Variants in METTL4 observed in about 807,000 individuals in gnomAD.
METTL4 encodes the protein methyltransferase 4, N6-adenosine.
METTL4 carries 40 observed loss-of-function variants against 54.0 expected under a neutral mutation model. The observed-to-expected ratio is 0.74, with a 90% confidence interval of 0.58 to 0.96. The LOEUF is 0.96. Ranked by LOEUF, METTL4 falls within the 50% of genes least tolerant of loss-of-function variation. The pLI, the probability that METTL4 is intolerant of heterozygous loss-of-function variation, is 0.00. For missense variants in METTL4, 525 were observed against 549.0 expected (o/e 0.96, Z 0.44); for synonymous variants, 169 against 183.8 (o/e 0.92, Z 0.65).
chr18:2,552,920 A>T, intron 4 of METTL4, 156 bp from the exon 5 acceptor site: 1 of 568,310 alleles, frequency 1.8e-6, no homozygotes. Context: ...AAACAGAGTA[A>T]TTTATCATTA....
intron 8 of METTL4, among the ~76,000 whole-genome samples, chr18:2,541,792 T>C (rs2071996258): frequency 6.6e-6 from 1 of 152,084 alleles, no homozygotes; most frequent in South Asian, 2.1e-4. Flanking sequence ...AGAAAACATT[T>C]CATTTTATTA....
At chr18:2,552,621 CAAT>C (rs1359397381) in intron 5 of METTL4, 71 bp downstream of exon 5, 3 of 926,400 alleles carry the variant, frequency 3.2e-6, no homozygotes, top group Non-Finnish European at 5.0e-6. Context: ...AAAGTAATGT[CAAT>C]AGTATATTAA....
intron 2 of METTL4, 103 bp downstream of exon 2, chr18:2,566,718 T>C: frequency 1.0e-6 from 1 of 958,366 alleles, no homozygotes; most frequent in Non-Finnish European, 1.4e-6. Flanking sequence ...GTTTTACTGA[T>C]TCTTCTTTAT....
rs982985523 is a variant in METTL4, at chr18:2,567,837, C to T, written c.-438-183G>A. The stretch of plus-strand genomic sequence containing the variant: ...CAGTATCATCTTCCCTACTTAATCA[C>T]TACTACCAATGGAGTAATAAGGTAA... On this transcript the variant is annotated intron_variant, in intron 1 of 8. Transcript: ENST00000574538. 2.6e-5 allele frequency among the ~76,000 whole-genome samples: 4 copies of T among 152,190 alleles called. No homozygotes were observed. In the East Asian group the frequency reaches 7.7e-4, roughly 29 times the overall value.
intron 5 of METTL4, among the ~76,000 whole-genome samples, chr18:2,550,160 A>C (rs950468794): frequency 6.6e-6 from 1 of 152,180 alleles, no homozygotes; most frequent in Non-Finnish European, 1.5e-5. Context: ...GAAGAATGTC[A>C]GGTCAAAAAT....
chr18:2,565,499 T>G (rs913117488), intron 2 of METTL4, among the ~76,000 whole-genome samples: 4 of 152,008 alleles, frequency 2.6e-5, no homozygotes, highest in African/African-American at 9.7e-5. Flanking sequence ...CCTGTGAACT[T>G]AAAAATTAAA....
intron 3 of METTL4, among the ~76,000 whole-genome samples, chr18:2,560,270 G>C (rs984706921): frequency 1.3e-5 from 2 of 151,992 alleles, no homozygotes; most frequent in Non-Finnish European, 2.9e-5. Flanking sequence ...AAAAAGAAAA[G>C]AGGAAAAAAG....
At chr18:2,555,178 G>C (rs1394916839) in intron 3 of METTL4, 140 bp from the exon 4 acceptor site, 6 of 917,906 alleles carry the variant, frequency 6.5e-6, no homozygotes, top group Non-Finnish European at 8.3e-6. Flanking sequence ...ACAATGAAAA[G>C]AATGTGTGAG....
At chr18:2,549,033 C>T (rs1486472135) in intron 5 of METTL4, among the ~76,000 whole-genome samples, 2 of 152,232 alleles carry the variant, frequency 1.3e-5, no homozygotes, top group African/African-American at 4.8e-5. Context: ...ACCCTCACCA[C>T]TCTTCAGATC....
At chr18:2,554,459 G>A (rs2072206674) in intron 4 of METTL4, 1 of 510,618 alleles carries the variant, frequency 2.0e-6, no homozygotes, top group Non-Finnish European at 3.4e-6. Flanking sequence ...TTAGAAATTA[G>A]CTTTTGACTC....
chr18:2,539,054 T>C lies in METTL4; in HGVS notation c.1365A>G (p.Glu455=). The change falls in exon 9 of 9, where the codon GAA becomes GAG. Residue 455 remains glutamate (E), a synonymous_variant. Transcript: ENST00000574538. The part of the protein sequence containing the change: ...LQPGWTSWGN[E]VLKFQHVDYF... ...AATCCACATGCTGAAATTTGAGAAC[T>C]TCATTGCCCCAACTAGTCCAACCTG... 6.2e-7 allele frequency: 1 copy of C among 1,614,034 alleles called. No homozygotes were observed. The highest frequency in any genetic ancestry group is 8.5e-7 in the Non-Finnish European group (1 of 1,179,938).
At chr18:2,566,735 C>T (rs187981430) in intron 2 of METTL4, 86 bp downstream of exon 2, 16 of 1,103,478 alleles carry the variant, frequency 1.4e-5, no homozygotes, top group African/African-American at 1.6e-5. Flanking sequence ...TTATACTTAA[C>T]GAATCACCAG....
At chr18:2,548,471 G>C (rs931373205) in intron 5 of METTL4, among the ~76,000 whole-genome samples, 3 of 152,028 alleles carry the variant, frequency 2.0e-5, no homozygotes, top group Non-Finnish European at 4.4e-5. Context: ...ATTCAATAAG[G>C]ACTTAAGCTC....
At chr18:2,550,387 C>T (rs1054504329) in intron 5 of METTL4, among the ~76,000 whole-genome samples, 1 of 152,238 alleles carries the variant, frequency 6.6e-6, no homozygotes, top group South Asian at 2.1e-4. Flanking sequence ...AAAAACTAGA[C>T]CCCTCATTGC....
chr18:2,558,857 A>C (rs2072275363), intron 3 of METTL4, among the ~76,000 whole-genome samples: 1 of 152,234 alleles, frequency 6.6e-6, no homozygotes, highest in Non-Finnish European at 1.5e-5. Flanking sequence ...CAAATGGCCA[A>C]CAAGCACATA....
At chr18:2,561,198 C>T (rs1197990638) in intron 3 of METTL4, 2 of 152,076 alleles carry the variant, frequency 1.3e-5, no homozygotes, top group Non-Finnish European at 2.9e-5. Flanking sequence ...ATTATGCACA[C>T]AAATATTCTT....
In METTL4 at chr18:2,539,018, A is replaced by T; in HGVS notation, c.1401T>A (p.Ala467=). 1 of 1,613,926 alleles carries T rather than the reference A, an allele frequency of 6.2e-7. No individual in the cohort carries two copies. Among genetic ancestry groups the T allele is most frequent in the Non-Finnish European group, 8.5e-7 (1 of 1,179,926 alleles). ...ATCATAGTCAGCTTCCAGACTCCAC[A>T]GCAATAAAATAATCCACATGCTGAA... ...LKFQHVDYFI[A]VESGS is the part of the protein sequence containing the mutation. Residue 467 remains alanine (A), a synonymous_variant, in exon 9 of 9, where the codon GCT becomes GCA. Coordinates refer to ENST00000574538, the MANE Select transcript of METTL4 (RefSeq NM_022840.5).
At position 2,538,789 on chromosome 18, in the gene METTL4, T is replaced by C. The variant is rs11663148; in HGVS notation, c.*211A>G. ...ACTGCTTACCACTTAATTTGTATAG[T>C]CTAGAATAACATAGAATGTTAGTGC... is the stretch of plus-strand genomic sequence containing the variant. On this transcript the variant is annotated 3_prime_UTR_variant, in exon 9 of 9. Transcript: ENST00000574538. 242,663 of 556,632 alleles carry C rather than the reference T, an allele frequency of 0.44. 55,955 individuals are homozygous for C. Among genetic ancestry groups the C allele is most frequent in the East Asian group, 0.75 (25,315 of 33,904 alleles). The allele number at this position is 556,632 out of a possible 1,614,324, so 34.5% of individuals were successfully genotyped here. A position where few individuals can be genotyped will look rare whatever the true frequency, so the allele number is the denominator to read the frequency against.
chr18:2,565,251 C>A (rs1380637635), intron 2 of METTL4, among the ~76,000 whole-genome samples: 7 of 151,908 alleles, frequency 4.6e-5, no homozygotes, highest in African/African-American at 1.7e-4. Flanking sequence ...TGCGCTCCAG[C>A]CTGGGAAACA....
Sources: gnomAD v4.1 joint callset for allele counts (sites outside exome capture counted in the v4.1 genomes callset) on GRCh38, gnomAD v4.1.1 for gene constraint, MANE v1.5 for transcripts, NCBI Gene and HGNC (gene_info 2026-07-23, HGNC 2026-07-21) for gene names.